The following SMYD1 variants were observed in gnomAD, a reference collection of about 807,000 sequenced individuals.
SMYD1 encodes the protein SET and MYND domain containing 1.
SMYD1 carries 49 observed loss-of-function variants against 54.0 expected under a neutral mutation model. That is an observed-to-expected ratio of 0.91 (90% CI 0.72 to 1.15). SMYD1 has a LOEUF of 1.15. SMYD1 is among the 50% of genes most tolerant of loss of function. The pLI is 0.00. For missense variants in SMYD1, 653 were observed against 639.6 expected (o/e 1.02, Z -0.23); for synonymous variants, 269 against 234.2 (o/e 1.15, Z -1.36).
At chr2:88,098,487 C>T (rs1674651652) in intron 6 of SMYD1, among the ~76,000 whole-genome samples, 1 of 152,078 alleles carries the variant, frequency 6.6e-6, no homozygotes, top group African/African-American at 2.4e-5. Context: ...AAGGCAAAAG[C>T]TTTCTATTAT....
intron 9 of SMYD1, among the ~76,000 whole-genome samples, 154 bp from the exon 10 acceptor site, chr2:88,110,200 A>AGAGTGTGTGT (rs139694354): frequency 0.25 from 34,834 of 138,834 alleles, 5,003 homozygotes; most frequent in Non-Finnish European, 0.32. Flanking sequence ...TTGATGAATG[A>AGAGTGTGTGT]GTGTGTGTGT....
At chr2:88,108,646 C>A in intron 9 of SMYD1, 107 bp downstream of exon 9, 2 of 1,198,776 alleles carry the variant, frequency 1.7e-6, no homozygotes, top group Non-Finnish European at 2.3e-6. Context: ...ATACTCCCAG[C>A]TAGACAAAAG....
At chr2:88,083,352 T>A (rs1300046496) in intron 1 of SMYD1, 4 of 152,062 alleles carry the variant, frequency 2.6e-5, no homozygotes, top group African/African-American at 4.8e-5. Flanking sequence ...GCCTATGCCC[T>A]TTTCTGTTTG....
At chr2:88,083,368 T>C (rs1229549895) in intron 1 of SMYD1, 2 of 151,988 alleles carry the variant, frequency 1.3e-5, no homozygotes, top group East Asian at 1.9e-4. Flanking sequence ...GTTTGAACGA[T>C]GGGTTTAACA....
chr2:88,087,992 G>A lies in SMYD1; in HGVS notation c.445G>A (p.Val149Met), dbSNP rs1364098867. The change falls in exon 3 of 10, where the codon GTG (valine) becomes ATG (methionine). Residue 149 changes from valine to methionine, a missense_variant. Val to Met is a conservative substitution (Grantham distance 21). Coordinates refer to ENST00000419482, the MANE Select transcript of SMYD1 (RefSeq NM_198274.4). ...GGAGGAGGAGCAGAAGGACCTGCGG[G>A]TGGACGTGGACACATTCTTGCAGTA... is the stretch of plus-strand genomic sequence containing the variant. ...FGEEEQKDLR[V>M]DVDTFLQYWP... 2 of 1,614,090 alleles carry A rather than the reference G, an allele frequency of 1.2e-6. No homozygotes were observed. The highest frequency in any genetic ancestry group is 2.7e-5 in the African/African-American group (2 of 74,938).
chr2:88,076,046 G>A (rs182099791), intron 1 of SMYD1, among the ~76,000 whole-genome samples: 14 of 152,028 alleles, frequency 9.2e-5, no homozygotes, highest in Admixed American at 6.5e-4. Context: ...TCCTCATCTC[G>A]TAGGTGATGC....
intron 1 of SMYD1, among the ~76,000 whole-genome samples, chr2:88,070,131 C>A (rs201741531): frequency 6.8e-6 from 1 of 146,454 alleles, no homozygotes; most frequent in Admixed American, 6.8e-5. Context: ...GTTTTTTTTT[C>A]AAAAAATGCT....
intron 2 of SMYD1, among the ~76,000 whole-genome samples, chr2:88,086,907 A>G (rs1417713485): frequency 6.7e-6 from 1 of 150,122 alleles, no homozygotes; most frequent in African/African-American, 2.4e-5. Flanking sequence ...ATATGTATAC[A>G]TGTGCCATGC....
chr2:88,078,647 G>T (rs1674122636), intron 1 of SMYD1, among the ~76,000 whole-genome samples: 1 of 152,210 alleles, frequency 6.6e-6, no homozygotes, highest in African/African-American at 2.4e-5. Context: ...GCTACTCAAA[G>T]TTGAAGCATC....
chr2:88,084,340 C>A lies in SMYD1; in HGVS notation c.162C>A (p.Thr54=). The A allele has an allele frequency of 6.3e-7, 1 of 1,577,884 alleles. No homozygotes were observed. Among genetic ancestry groups the A allele is most frequent in the Non-Finnish European group, 8.7e-7 (1 of 1,150,826 alleles). Reference sequence around the variant, plus strand: ...GCCTTGTTAATTTTGTGTGCCACACCTGCTTCAAGAGGCAGGAGAAGCTCC... The same window carrying A: ...GCCTTGTTAATTTTGTGTGCCACACATGCTTCAAGAGGCAGGAGAAGCTCC... ...FDSLVNFVCH[T]CFKRQEKLHR... Residue 54 remains threonine (T), a synonymous_variant, in exon 2 of 10, where the codon ACC becomes ACA. Coordinates refer to ENST00000419482, the MANE Select transcript of SMYD1 (RefSeq NM_198274.4).
At chr2:88,108,343 T>A in intron 8 of SMYD1, 28 bp from the exon 9 acceptor site, 1 of 1,534,536 alleles carries the variant, frequency 6.5e-7, no homozygotes, top group Non-Finnish European at 8.7e-7. Context: ...ATTGGTATGA[T>A]GTATAATTAT....
At chr2:88,106,694 C>T (rs533878597) in intron 8 of SMYD1, among the ~76,000 whole-genome samples, 193 of 152,204 alleles carry the variant, frequency 1.3e-3, no homozygotes, top group Non-Finnish European at 2.4e-3. Flanking sequence ...TGAGATGAAA[C>T]CTATTTGTCA....
At chr2:88,070,955 A>AAAAC (rs1266652192) in intron 1 of SMYD1, among the ~76,000 whole-genome samples, 5 of 151,528 alleles carry the variant, frequency 3.3e-5, no homozygotes, top group Non-Finnish European at 7.4e-5. Flanking sequence ...AAAAAAAAAA[A>AAAAC]AAAAAAAAAA....
At chr2:88,102,199 A>T (rs1361423145) in intron 6 of SMYD1, among the ~76,000 whole-genome samples, 1 of 152,222 alleles carries the variant, frequency 6.6e-6, no homozygotes, top group Non-Finnish European at 1.5e-5. Context: ...AGCAAAAAAA[A>T]AATGTTTCAG....
In SMYD1 at chr2:88,096,802, G is replaced by A. The variant is rs748669266; in HGVS notation, c.888+18G>A. The A allele has an allele frequency of 7.5e-6, 12 of 1,604,812 alleles. No homozygotes were observed. Among genetic ancestry groups the A allele is most frequent in the Non-Finnish European group, 9.4e-6 (11 of 1,175,416 alleles). On this transcript the variant is annotated intron_variant, in intron 6 of 9. Coordinates refer to ENST00000419482, the MANE Select transcript of SMYD1 (RefSeq NM_198274.4). ...ACCCCAAGGTACACACAGCCCTGCT[G>A]CTGAGGTGTTTGTGTCTGTCTTCTC... is the stretch of plus-strand genomic sequence containing the variant.
At chr2:88,108,919 T>G (rs1674948282) in intron 9 of SMYD1, among the ~76,000 whole-genome samples, 1 of 151,980 alleles carries the variant, frequency 6.6e-6, no homozygotes, top group Non-Finnish European at 1.5e-5. Context: ...GTGCCAGGCT[T>G]TTTTCAACAA....
At chr2:88,110,294 A>G (rs1228670111) in intron 9 of SMYD1, 60 bp from the exon 10 acceptor site, 1 of 1,530,858 alleles carries the variant, frequency 6.5e-7, no homozygotes, top group Non-Finnish European at 8.8e-7. Context: ...AAGGTATATC[A>G]GAGACCAGCA....
chr2:88,107,869 T>C (rs568637264), intron 8 of SMYD1, among the ~76,000 whole-genome samples: 25 of 152,338 alleles, frequency 1.6e-4, no homozygotes, highest in African/African-American at 5.5e-4. Context: ...GGAAAGGGAA[T>C]TCCCTGACCC....
At chr2:88,098,622 G>A (rs559685798) in intron 6 of SMYD1, among the ~76,000 whole-genome samples, 70 of 152,114 alleles carry the variant, frequency 4.6e-4, no homozygotes, top group African/African-American at 1.6e-3. Context: ...TTAAAAAAAG[G>A]CCATCATAAT....
Sources: gnomAD v4.1 joint callset for allele counts (sites outside exome capture counted in the v4.1 genomes callset) on GRCh38, gnomAD v4.1.1 for gene constraint, MANE v1.5 for transcripts, NCBI Gene and HGNC (gene_info 2026-07-23, HGNC 2026-07-21) for gene names.